ADARB2: variants seen among roughly 807,000 people sequenced by gnomAD.
ADARB2 encodes inactive double-stranded RNA-specific editase B2.
Under a neutral mutation model 62.2 loss-of-function variants are expected in ADARB2, and 25 were observed. The ratio of observed to expected loss-of-function variants is 0.40; its 90% CI spans 0.29 to 0.56. The LOEUF (loss-of-function observed/expected upper bound fraction) is 0.56, where lower values mean the gene tolerates loss of function less well. Among genes scored for constraint, ADARB2 ranks in the 20% least tolerant of loss-of-function variants. ADARB2 has a pLI of 0.43. For missense variants in ADARB2, 1,071 were observed against 1,077.4 expected, an observed-to-expected ratio of 0.99 and a Z score of 0.08; for synonymous variants, 572 against 500.8, an observed-to-expected ratio of 1.14 and a Z score of -1.90.
rs566108378 is a variant in ADARB2 at position 1,298,816 on chromosome 10, T to G, written c.1078-27747A>C. Among the ~76,000 whole-genome samples, 3 of 142,106 alleles carry G rather than the reference T, an allele frequency of 2.1e-5. No individual in the cohort carries two copies. In the East Asian group the frequency reaches 6.3e-4, roughly 30 times the overall value. The allele number at this position is 142,106 out of a possible 152,430, so 93.2% of individuals were successfully genotyped here. A position where few individuals can be genotyped will look rare whatever the true frequency, so the allele number is the denominator to read the frequency against. On this transcript the variant is annotated intron_variant, in intron 3 of 9. Transcript: ENST00000381312. ...GTGCAGTGGCACACTCTTGGCTCAC[T>G]GCAGCCTCCACCTCTGGGGCTCAAG... is the stretch of plus-strand genomic sequence containing the variant.
At chr10:1,658,983 A>G (rs1834209648) in intron 1 of ADARB2, among the ~76,000 whole-genome samples, 1 of 152,206 alleles carries the variant, frequency 6.6e-6, no homozygotes, top group African/African-American at 2.4e-5. Context: ...GTTCAATTGA[A>G]TTCACTCAAG....
At chr10:1,476,796 C>G (rs967120293) in intron 1 of ADARB2, among the ~76,000 whole-genome samples, 1 of 152,148 alleles carries the variant, frequency 6.6e-6, no homozygotes, top group Non-Finnish European at 1.5e-5. Context: ...CCGAGGCCAG[C>G]TGGATGGAAA....
At chr10:1,483,719 A>T (rs1831505927) in intron 1 of ADARB2, among the ~76,000 whole-genome samples, 1 of 152,310 alleles carries the variant, frequency 6.6e-6, no homozygotes, top group Non-Finnish European at 1.5e-5. Context: ...ATGATTTAGC[A>T]TTTACAGGTT....
intron 1 of ADARB2, among the ~76,000 whole-genome samples, chr10:1,648,208 T>C (rs1350486122): frequency 1.3e-5 from 2 of 152,232 alleles, no homozygotes; most frequent in Admixed American, 6.5e-5. Flanking sequence ...GTTTACACTG[T>C]ATCTGTGCTG....
At chr10:1,275,465 G>C (rs984392113) in intron 3 of ADARB2, among the ~76,000 whole-genome samples, 2 of 152,074 alleles carry the variant, frequency 1.3e-5, no homozygotes, top group African/African-American at 4.8e-5. Flanking sequence ...CTCTCCCCAG[G>C]TCCACACATT....
intron 1 of ADARB2, among the ~76,000 whole-genome samples, chr10:1,612,080 G>T (rs1833579691): frequency 6.6e-6 from 1 of 152,192 alleles, no homozygotes; most frequent in Non-Finnish European, 1.5e-5. Flanking sequence ...GATTGGAGGG[G>T]ATCTTTCCAG....
chr10:1,273,346 G>T (rs1158880207), intron 3 of ADARB2, among the ~76,000 whole-genome samples: 3 of 152,140 alleles, frequency 2.0e-5, no homozygotes, highest in Non-Finnish European at 1.5e-5. Context: ...CTGCAACCTT[G>T]AATTTTTGGG....
chr10:1,697,315 A>G (rs1834759766), intron 1 of ADARB2, among the ~76,000 whole-genome samples: 1 of 152,154 alleles, frequency 6.6e-6, no homozygotes, highest in South Asian at 2.1e-4. Flanking sequence ...TGAAAGCAAC[A>G]TGTTCCAGGT....
chr10:1,344,586 C>T (rs1475437950), intron 3 of ADARB2, among the ~76,000 whole-genome samples: 2 of 152,212 alleles, frequency 1.3e-5, no homozygotes, highest in African/African-American at 4.8e-5. Flanking sequence ...GGAGGCCGAC[C>T]CCAGCACCCT....
intron 6 of ADARB2, among the ~76,000 whole-genome samples, chr10:1,227,205 C>T (rs761017700): frequency 6.6e-6 from 1 of 152,196 alleles, no homozygotes; most frequent in Non-Finnish European, 1.5e-5. Context: ...ACCCTCCGAG[C>T]CAGGTGTGGA....
At chr10:1,288,306 C>G (rs960304899) in intron 3 of ADARB2, among the ~76,000 whole-genome samples, 2 of 152,244 alleles carry the variant, frequency 1.3e-5, no homozygotes, top group African/African-American at 4.8e-5. Context: ...ATAAAGCAGC[C>G]TAGAATACGA....
chr10:1,628,108 C>T (rs1833794195), intron 1 of ADARB2, among the ~76,000 whole-genome samples: 1 of 152,224 alleles, frequency 6.6e-6, no homozygotes, highest in African/African-American at 2.4e-5. Flanking sequence ...ACACATCTAC[C>T]CTGGAGCACC....
intron 1 of ADARB2, among the ~76,000 whole-genome samples, chr10:1,461,802 C>G (rs1346023277): frequency 1.3e-5 from 2 of 152,046 alleles, no homozygotes; most frequent in Non-Finnish European, 2.9e-5. Flanking sequence ...GAGTTTAAGA[C>G]CATCCTGGCC....
chr10:1,327,982 A>G (rs1364736752), intron 3 of ADARB2, among the ~76,000 whole-genome samples: 1 of 152,136 alleles, frequency 6.6e-6, no homozygotes, highest in Non-Finnish European at 1.5e-5. Context: ...GCCTCCTCAC[A>G]GCGCCTCCCC....
intron 1 of ADARB2, among the ~76,000 whole-genome samples, chr10:1,604,557 C>T (rs1208045193): frequency 6.6e-6 from 1 of 152,184 alleles, no homozygotes; most frequent in African/African-American, 2.4e-5. Context: ...TACGTTTTCA[C>T]ACCACAATCA....
chr10:1,413,705 C>T (rs1183600483), intron 1 of ADARB2, among the ~76,000 whole-genome samples: 1 of 152,220 alleles, frequency 6.6e-6, no homozygotes, highest in Non-Finnish European at 1.5e-5. Flanking sequence ...AGCGACCTCT[C>T]AGCCTCACCT....
At chr10:1,369,901 T>C (rs1177529256) in intron 2 of ADARB2, among the ~76,000 whole-genome samples, 1 of 152,208 alleles carries the variant, frequency 6.6e-6, no homozygotes, top group African/African-American at 2.4e-5. Flanking sequence ...GGACTCGTTG[T>C]CTCTGGGGCA....
At chr10:1,476,153 A>AAG (rs1355736122) in intron 1 of ADARB2, among the ~76,000 whole-genome samples, 2 of 152,084 alleles carry the variant, frequency 1.3e-5, no homozygotes, top group Non-Finnish European at 2.9e-5. Flanking sequence ...AGAAAAAAGG[A>AAG]AGAGAGAGAG....
intron 1 of ADARB2, among the ~76,000 whole-genome samples, chr10:1,633,543 A>G (rs985613941): frequency 9.2e-5 from 11 of 119,494 alleles, no homozygotes; most frequent in Admixed American, 1.8e-4. Flanking sequence ...CTGTCTGTCT[A>G]TCTATCATCT....
Sources: gnomAD v4.1 joint callset for allele counts (sites outside exome capture counted in the v4.1 genomes callset) on GRCh38, gnomAD v4.1.1 for gene constraint, MANE v1.5 for transcripts, NCBI Gene and HGNC (gene_info 2026-07-23, HGNC 2026-07-21) for gene names.